TPO: variants seen among roughly 807,000 people sequenced by gnomAD.
TPO encodes the protein thyroid microsomal antigen.
A neutral mutation model predicts 96.9 loss-of-function variants in TPO; 78 were observed. The ratio of observed to expected loss-of-function variants is 0.81; its 90% confidence interval spans 0.67 to 0.97. The LOEUF is 0.97. TPO is among the 50% of genes least tolerant of loss of function. The pLI, the probability that TPO is intolerant of heterozygous loss-of-function variation, is 0.00. For synonymous variants in TPO, 547 were observed against 538.0 expected (o/e 1.02, Z -0.23); for missense variants, 1,252 against 1,274.8 (o/e 0.98, Z 0.27).
At chr2:1,387,135 G>A (rs1661912609) in intron 1 of TPO, among the ~76,000 whole-genome samples, 1 of 152,144 alleles carries the variant, frequency 6.6e-6, no homozygotes, top group Non-Finnish European at 1.5e-5. Context: ...CTCTCTGGCT[G>A]CCCTTAACAT....
intron 15 of TPO, among the ~76,000 whole-genome samples, chr2:1,531,634 A>C (rs199626961): frequency 3.3e-5 from 2 of 60,030 alleles, no homozygotes; most frequent in African/African-American, 6.3e-5. Flanking sequence ...ACACCCCTCA[A>C]TGTGTGCAAC....
intron 1 of TPO, among the ~76,000 whole-genome samples, chr2:1,401,601 A>AT (rs1662173741): frequency 6.6e-6 from 1 of 151,938 alleles, no homozygotes; most frequent in African/African-American, 2.4e-5. Context: ...AGGACCAGAC[A>AT]AGCAGAGCCT....
chr2:1,399,939 C>G (rs1204679013), intron 1 of TPO, among the ~76,000 whole-genome samples: 2 of 152,178 alleles, frequency 1.3e-5, no homozygotes, highest in Non-Finnish European at 2.9e-5. Context: ...TTACTGGTAG[C>G]CCCACTTAAT....
At chr2:1,486,386 A>G (rs1573387482) in intron 9 of TPO, among the ~76,000 whole-genome samples, 2 of 151,852 alleles carry the variant, frequency 1.3e-5, no homozygotes, top group South Asian at 4.2e-4. Context: ...CAAACAAAAA[A>G]CATTAGCCGT....
At chr2:1,423,974 T>G (rs1172797810) in intron 3 of TPO, among the ~76,000 whole-genome samples, 3 of 152,146 alleles carry the variant, frequency 2.0e-5, no homozygotes, top group African/African-American at 7.2e-5. Flanking sequence ...TAGTAAGAAG[T>G]GTGTGCTGCT....
chr2:1,396,223 G>A (rs1662078402), intron 1 of TPO, among the ~76,000 whole-genome samples: 1 of 152,214 alleles, frequency 6.6e-6, no homozygotes, highest in Non-Finnish European at 1.5e-5. Flanking sequence ...GGTTCCCCAG[G>A]ACGGAGGAGC....
At chr2:1,541,115 A>T in intron 16 of TPO, 1 of 1,192,162 alleles carries the variant, frequency 8.4e-7, no homozygotes, top group Non-Finnish European at 1.1e-6. Flanking sequence ...GTGTATGTTT[A>T]TGTTTTACCC....
intron 8 of TPO, among the ~76,000 whole-genome samples, chr2:1,483,801 G>A (rs541670874): frequency 3.3e-5 from 5 of 152,298 alleles, no homozygotes; most frequent in African/African-American, 7.2e-5. Context: ...CAAGACTCAC[G>A]GCTCTCCCTG....
At chr2:1,478,751 G>T (rs545753887) in intron 8 of TPO, among the ~76,000 whole-genome samples, 1 of 151,268 alleles carries the variant, frequency 6.6e-6, no homozygotes, top group South Asian at 2.1e-4. Context: ...CTGTCCTAAC[G>T]CACATCCACA....
intron 15 of TPO, among the ~76,000 whole-genome samples, chr2:1,537,989 G>A (rs1573668349): frequency 1.7e-5 from 1 of 60,484 alleles, no homozygotes; most frequent in Non-Finnish European, 2.9e-5. Flanking sequence ...CCCCCACTCT[G>A]TGCAACCCCC....
intron 2 of TPO, among the ~76,000 whole-genome samples, chr2:1,421,547 C>A (rs1169101940): frequency 6.6e-6 from 1 of 152,042 alleles, no homozygotes; most frequent in African/African-American, 2.4e-5. Flanking sequence ...AGGTGGGGGG[C>A]GGGGCTGGTT....
chr2:1,531,992 CCAAAA>C (rs1678375356), intron 15 of TPO, among the ~76,000 whole-genome samples: 2 of 108,166 alleles, frequency 1.8e-5, no homozygotes, highest in African/African-American at 3.3e-5. Context: ...GTGCAACCTC[CCAAAA>C]TCTCCCCTAT....
chr2:1,404,388 C>G lies in TPO; in HGVS notation n.180+29986C>G, dbSNP rs17091606. Among the ~76,000 whole-genome samples, 1,148 of 152,260 alleles carry G rather than the reference C, an allele frequency of 7.5e-3. 13 individuals carry two copies. The highest frequency in any genetic ancestry group is 0.025 in the African/African-American group (1,053 of 41,534). Reference sequence around the variant, plus strand: ...AGATTCCTGCTCTCTTTTACTGCAGCCTGTTTGGGACTGAACTGTGTCCCC... The same window carrying G: ...AGATTCCTGCTCTCTTTTACTGCAGGCTGTTTGGGACTGAACTGTGTCCCC... On this transcript the variant is annotated intron_variant and non_coding_transcript_variant, in intron 1 of 5. Transcript: ENST00000497517.
intron 7 of TPO, among the ~76,000 whole-genome samples, chr2:1,460,457 C>A (rs973874076): frequency 6.6e-6 from 1 of 152,058 alleles, no homozygotes; most frequent in African/African-American, 2.4e-5. Flanking sequence ...TCTATCAGGT[C>A]TTGGGTTCCA....
At chr2:1,529,731 G>GTCC (rs1677595027) in intron 15 of TPO, among the ~76,000 whole-genome samples, 1 of 34,212 alleles carries the variant, frequency 2.9e-5, no homozygotes, top group Non-Finnish European at 5.6e-5. Context: ...CCCCCACTGT[G>GTCC]AGCAATCTCC....
chr2:1,401,448 A>G lies in TPO; in HGVS notation n.180+27046A>G, dbSNP rs769751565. ...CGCTAGTTCTCTTTTTCTGTTTACA[A>G]TGGGCTTTGGTTTGCTCACTCAAGA... is the stretch of plus-strand genomic sequence containing the variant. On this transcript the variant is annotated intron_variant and non_coding_transcript_variant, in intron 1 of 5. Transcript: ENST00000497517. 1.2e-3 allele frequency among the ~76,000 whole-genome samples: 178 copies of G among 152,214 alleles called. 1 individual carries two copies. Among genetic ancestry groups the G allele is most frequent in the African/African-American group, 1.6e-3 (68 of 41,542 alleles).
At chr2:1,423,654 C>T (rs1203800404) in intron 3 of TPO, among the ~76,000 whole-genome samples, 1 of 152,094 alleles carries the variant, frequency 6.6e-6, no homozygotes, top group Non-Finnish European at 1.5e-5. Flanking sequence ...AAACAAAAAA[C>T]CTGTAAAGCA....
At chr2:1,536,954 TCCCCCTGTGTGCAACCCCCCAATCTCC>T (rs1679822023) in intron 15 of TPO, among the ~76,000 whole-genome samples, 1 of 40,048 alleles carries the variant, frequency 2.5e-5, no homozygotes, top group Non-Finnish European at 4.5e-5. Flanking sequence ...ACCTCTCAAA[TCCCCCTGTGTGCAACCCCCCAATCTCC>T]CCCACTGTGT....
At chr2:1,411,229 A>G (rs544107874), upstream of TPO, among the ~76,000 whole-genome samples, 4 of 152,318 alleles carry the variant, frequency 2.6e-5, no homozygotes, top group South Asian at 8.3e-4. Flanking sequence ...GTATTAAAAT[A>G]AGCACATCAT....
Sources: allele counts gnomAD v4.1 joint callset (sites outside exome capture counted in the v4.1 genomes callset), GRCh38; gene constraint gnomAD v4.1.1; transcripts MANE v1.5; gene names NCBI Gene and HGNC (gene_info 2026-07-23, HGNC 2026-07-21).